SI: variants seen among roughly 807,000 people sequenced by gnomAD.
The protein encoded by SI is sucrase-isomaltase.
SI carries 235 observed loss-of-function variants against 253.3 expected under a neutral mutation model. The ratio of observed to expected loss-of-function variants is 0.93; its 90% CI spans 0.83 to 1.03. The LOEUF is 1.03. SI is among the 50% of genes least tolerant of loss of function. The pLI, the probability that SI is intolerant of heterozygous loss-of-function variation, is 0.00. For missense variants in SI, 2,442 were observed against 2,211.1 expected, an observed-to-expected ratio of 1.10 and a Z score of -2.09; for synonymous variants, 819 against 712.0, an observed-to-expected ratio of 1.15 and a Z score of -2.39.
At position 165,071,069 on chromosome 3, in the gene SI, C is replaced by T. The variant is rs567129750; in HGVS notation, c.256-1874G>A. Among the ~76,000 whole-genome samples the T allele has an allele frequency of 4.5e-4, 69 of 152,154 alleles. 1 individual carries two copies. In the South Asian group the frequency reaches 0.013, roughly 30 times the overall value. Reference sequence around the variant, plus strand: ...TCCTCTTATAAGGACGTTAGTCATTCGACGCAAGGCCCAAATTAATTTACT... The same window carrying T: ...TCCTCTTATAAGGACGTTAGTCATTTGACGCAAGGCCCAAATTAATTTACT... On this transcript the variant is annotated intron_variant, in intron 3 of 47. Coordinates refer to ENST00000264382, the MANE Select transcript of SI (RefSeq NM_001041.4).
chr3:164,986,281 C>T (rs1717430644), intron 45 of SI, among the ~76,000 whole-genome samples: 1 of 152,096 alleles, frequency 6.6e-6, no homozygotes, highest in African/African-American at 2.4e-5. Context: ...TTCCTTTTCC[C>T]AAAGGCAAGT....
At chr3:165,014,329 A>ATTCTTG (rs1187296675) in intron 33 of SI, among the ~76,000 whole-genome samples, 1 of 151,960 alleles carries the variant, frequency 6.6e-6, no homozygotes, top group Non-Finnish European at 1.5e-5. Context: ...GCTCACTGCA[A>ATTCTTG]GCTCCGCCTC....
In SI at chr3:165,067,350, C is replaced by T. The variant is rs747951287; in HGVS notation, c.625G>A (p.Gly209Ser). ...AAATAATACACTTACAAAGTTTTAC[C>T]GTTGCTTTTCCTAATAACTTGGATG... ...FSIQVIRKSN[G>S]KTLFDTSIGP... Residue 209 changes from glycine (G) to serine (S), a missense_variant, in exon 6 of 48, where the codon GGT becomes AGT. Gly to Ser is a moderately conservative substitution (Grantham distance 56). Coordinates refer to ENST00000264382, the MANE Select transcript of SI (RefSeq NM_001041.4). 22 of 1,607,684 alleles carry T rather than the reference C, an allele frequency of 1.4e-5. No homozygotes were observed. Among genetic ancestry groups the T allele is most frequent in the East Asian group, 2.2e-5 (1 of 44,628 alleles).
In SI at chr3:165,039,074, T is replaced by A; in HGVS notation, c.2301+4A>T. The A allele has an allele frequency of 6.4e-7, 1 of 1,570,132 alleles. No individual in the cohort carries two copies. Among genetic ancestry groups the A allele is most frequent in the Non-Finnish European group, 8.8e-7 (1 of 1,142,032 alleles). On this transcript the variant is annotated splice_donor_region_variant and intron_variant, in intron 20 of 47. Transcript: ENST00000264382. The stretch of plus-strand genomic sequence containing the variant: ...GAGTCCATTAGTATGTTAAGGTTAC[T>A]TACAGATTCATAATCATACCAAATA...
intron 27 of SI, among the ~76,000 whole-genome samples, chr3:165,020,941 T>C (rs572683371): frequency 7.5e-4 from 114 of 151,806 alleles, no homozygotes; most frequent in African/African-American, 2.6e-3. Flanking sequence ...TCATGCTTTT[T>C]AAAAGAGGTT....
chr3:164,988,248 A>T lies in SI; in HGVS notation c.5109-1022T>A, dbSNP rs191662509. ...GTCTCCTAAAATTTCCAGAATCTCTAGAGTTCAAATCTCCACAGTAATTAG... is the reference window on the plus strand; with the variant it reads ...GTCTCCTAAAATTTCCAGAATCTCTTGAGTTCAAATCTCCACAGTAATTAG... On this transcript the variant is annotated intron_variant, in intron 44 of 47. Transcript: ENST00000264382. 2.0e-5 allele frequency among the ~76,000 whole-genome samples: 3 copies of T among 152,316 alleles called. No individual in the cohort carries two copies. In the East Asian group the frequency reaches 5.8e-4, roughly 29 times the overall value.
intron 27 of SI, 135 bp from the exon 28 acceptor site, chr3:165,019,905 C>G: frequency 2.5e-6 from 2 of 802,510 alleles, no homozygotes; most frequent in Admixed American, 4.2e-5. Context: ...ACCCAGGTAC[C>G]AAATGGAAAT....
upstream of SI, among the ~76,000 whole-genome samples, chr3:165,079,713 G>T (rs895035499): frequency 1.3e-5 from 2 of 151,744 alleles, no homozygotes; most frequent in East Asian, 1.9e-4. Flanking sequence ...AAGGTCACAG[G>T]ATATAAGGTC....
rs142923909 is a variant in SI at position 165,067,382 on chromosome 3, G to A, written c.593C>T (p.Pro198Leu). The A allele has an allele frequency of 2.5e-6, 4 of 1,611,834 alleles. No homozygotes were observed. In the African/African-American group the frequency reaches 4.0e-5, roughly 16 times the overall value. ...TLYDVKVAQN[P>L]FSIQVIRKSN... ...TTTCCTAATAACTTGGATGCTAAATGGGTTTTGGGCAACCTTCACATCATA... is the reference window on the plus strand; with the variant it reads ...TTTCCTAATAACTTGGATGCTAAATAGGTTTTGGGCAACCTTCACATCATA... Residue 198 changes from proline to leucine, a missense_variant, in exon 6 of 48, where the codon CCA (proline) becomes CTA (leucine). Physicochemically the swap from Pro to Leu is moderately conservative, Grantham distance 98. Coordinates refer to ENST00000264382, the MANE Select transcript of SI (RefSeq NM_001041.4).
chr3:165,036,149 A>C (rs894153973), intron 22 of SI, among the ~76,000 whole-genome samples: 25 of 152,004 alleles, frequency 1.6e-4, no homozygotes, highest in African/African-American at 6.0e-4. Flanking sequence ...TAGATTAAAA[A>C]TCTTGCCAAA....
chr3:165,057,935 G>A (rs1057250814), intron 12 of SI, among the ~76,000 whole-genome samples: 1 of 151,876 alleles, frequency 6.6e-6, no homozygotes, highest in Admixed American at 6.6e-5. Flanking sequence ...AAACTAAGTG[G>A]ACCTGATAGA....
At chr3:165,027,168 T>C (rs1193617115) in intron 25 of SI, among the ~76,000 whole-genome samples, 1 of 151,338 alleles carries the variant, frequency 6.6e-6, no homozygotes, top group Non-Finnish European at 1.5e-5. Flanking sequence ...AAAAGATCAT[T>C]CAAGGCTACT....
chr3:165,009,229 T>C (rs777535719), intron 35 of SI, 50 bp downstream of exon 35: 1 of 1,222,542 alleles, frequency 8.2e-7, no homozygotes, highest in South Asian at 1.2e-5. Flanking sequence ...TTTTGCATAA[T>C]CACTGCACAA....
Position 165,021,142 on chromosome 3 carries a change from G to T in SI, c.3254+87C>A. 3 of 1,178,934 alleles carry T rather than the reference G, an allele frequency of 2.5e-6. No homozygotes were observed. The South Asian group carries it at 3.7e-5, about 15-fold the overall frequency. The allele number at this position is 1,178,934 out of a possible 1,614,324, so 73.0% of individuals were successfully genotyped here. On this transcript the variant is annotated intron_variant, in intron 27 of 47. Transcript: ENST00000264382. ...AATTTTTTTGTGTGATGCTACTCTAGGACAGTGAAGGCTGTTAATCATTTT... is the reference window on the plus strand; with the variant it reads ...AATTTTTTTGTGTGATGCTACTCTATGACAGTGAAGGCTGTTAATCATTTT...
At chr3:165,038,957 A>T in intron 20 of SI, 121 bp downstream of exon 20, 1 of 623,460 alleles carries the variant, frequency 1.6e-6, no homozygotes, top group Non-Finnish European at 2.8e-6. Context: ...TTTTATAGTA[A>T]TGACAGAAAT....
At chr3:165,060,437 T>C (rs1454411962) in intron 9 of SI, among the ~76,000 whole-genome samples, 1 of 152,006 alleles carries the variant, frequency 6.6e-6, no homozygotes, top group Non-Finnish European at 1.5e-5. Context: ...ACAGAAAAGA[T>C]GTTTAAAAGT....
At chr3:165,072,426 AAC>A in intron 3 of SI, among the ~76,000 whole-genome samples, 1 of 148,156 alleles carries the variant, frequency 6.7e-6, no homozygotes, top group Non-Finnish European at 1.5e-5. Context: ...CAACAACAAC[AAC>A]AAAAAACCCT....
At position 165,023,648 on chromosome 3, in the gene SI, T is replaced by C; in HGVS notation, c.3021A>G (p.Arg1007=). The change falls in exon 26 of 48, where the codon AGA becomes AGG. Residue 1007 remains arginine (R), a synonymous_variant. Transcript: ENST00000264382. The stretch of plus-strand genomic sequence containing the variant: ...AGATGGGGTCAGAAGGTAACTTTAT[T>C]CTGGCATTTGCAGTATTTAGTTGGA... ...ADLQLNTANA[R]IKLPSDPIST... 1 of 1,611,064 alleles carries C rather than the reference T, an allele frequency of 6.2e-7. No individual in the cohort carries two copies. Among genetic ancestry groups the C allele is most frequent in the Middle Eastern group, 1.7e-4 (1 of 6,042 alleles).
chr3:165,028,590 C>A (rs1228397733), intron 25 of SI, among the ~76,000 whole-genome samples: 1 of 151,058 alleles, frequency 6.6e-6, no homozygotes, highest in Non-Finnish European at 1.5e-5. Context: ...TAAAAATAAT[C>A]ACATAGACCA....
Sources: gnomAD v4.1 joint callset for allele counts (sites outside exome capture counted in the v4.1 genomes callset) on GRCh38, gnomAD v4.1.1 for gene constraint, MANE v1.5 for transcripts, NCBI Gene and HGNC (gene_info 2026-07-23, HGNC 2026-07-21) for gene names.